Variants in TMEM39A observed in about 807,000 individuals in gnomAD.
TMEM39A encodes suppressor of SQST-1 aggregates in rpl-43 mutants.
Under a neutral mutation model 51.9 loss-of-function variants are expected in TMEM39A, and 19 were observed. The observed-to-expected ratio is 0.37, with a 90% CI of 0.26 to 0.54. TMEM39A has a LOEUF of 0.54. Ranked by LOEUF, TMEM39A falls within the 20% of genes least tolerant of loss-of-function variation. TMEM39A has a pLI of 0.88. For synonymous variants in TMEM39A, 197 were observed against 220.2 expected (o/e 0.89, Z 0.93); for missense variants, 433 against 590.5 (o/e 0.73, Z 2.76).
intron 3 of TMEM39A, among the ~76,000 whole-genome samples, chr3:119,456,754 A>C (rs575589084): frequency 1.3e-5 from 2 of 152,286 alleles, no homozygotes; most frequent in East Asian, 3.9e-4. Flanking sequence ...ACAAGTGTGC[A>C]CTACCATGCC....
rs2080996160 is a variant in TMEM39A at position 119,437,958 on chromosome 3, G to T, written c.721C>A (p.Leu241Ile). ...TTTAGCGACTCCAGCAACAAGGAGA[G>T]AAAGTCTTTGGATTTGGCCAAGCCT... ...VGGLAKSKDF[L>I]SLLLESLKEQ... Residue 241 changes from leucine (L) to isoleucine (I), a missense_variant, in exon 6 of 9, where the codon CTC (leucine) becomes ATC (isoleucine). Around this residue, in one of 3 missense-constraint regions of TMEM39A, gnomAD observed 223 missense variants for 328.1 expected, o/e 0.68. Transcript: ENST00000319172. 1 of 1,614,038 alleles carries T rather than the reference G, an allele frequency of 6.2e-7. No individual in the cohort carries two copies. The highest frequency in any genetic ancestry group is 8.5e-7 in the Non-Finnish European group (1 of 1,180,020).
At chr3:119,432,464 A>G (rs968146247) in intron 8 of TMEM39A, among the ~76,000 whole-genome samples, 1 of 152,148 alleles carries the variant, frequency 6.6e-6, no homozygotes, top group Non-Finnish European at 1.5e-5. Flanking sequence ...GATTATGCCC[A>G]AAAGAAAACT....
At chr3:119,455,864 T>C (rs542891710) in intron 3 of TMEM39A, among the ~76,000 whole-genome samples, 2 of 152,314 alleles carry the variant, frequency 1.3e-5, no homozygotes, top group Admixed American at 6.5e-5. Context: ...CAAGAAGCAC[T>C]TACAGAATAA....
At chr3:119,462,838 G>T (rs898134973) in intron 1 of TMEM39A, among the ~76,000 whole-genome samples, 2 of 147,346 alleles carry the variant, frequency 1.4e-5, no homozygotes, top group Non-Finnish European at 3.0e-5. Flanking sequence ...AAATCATACA[G>T]AAATTACTGA....
chr3:119,440,948 C>G (rs1425415271), intron 5 of TMEM39A, among the ~76,000 whole-genome samples: 1 of 152,110 alleles, frequency 6.6e-6, no homozygotes, highest in Non-Finnish European at 1.5e-5. Context: ...CCCAATATTT[C>G]AAACTTTTTC....
Position 119,438,084 on chromosome 3 carries a change from G to A in TMEM39A, c.595C>T (p.Leu199Phe). 6.3e-7 allele frequency: 1 copy of A among 1,589,538 alleles called. No individual in the cohort carries two copies. The highest frequency in any genetic ancestry group is 8.6e-7 in the Non-Finnish European group (1 of 1,159,898). The change falls in exon 6 of 9, where the codon CTT becomes TTT. Residue 199 changes from leucine (L) to phenylalanine (F), a missense_variant. Coordinates refer to ENST00000319172, the MANE Select transcript of TMEM39A (RefSeq NM_018266.3). The stretch of plus-strand genomic sequence containing the variant: ...CTACTATCTTGATGAAAACAGCAAA[G>A]AGGAACATAAACACCAAACCTGTAA... ...LGYPFGVYVP[L>F]CCFHQDSRAH...
Position 119,436,901 on chromosome 3 carries a change from G to A in TMEM39A, c.1002C>T (p.Thr334=), listed in dbSNP as rs2080976559. 1 of 1,613,926 alleles carries A rather than the reference G, an allele frequency of 6.2e-7. No homozygotes were observed. Among genetic ancestry groups the A allele is most frequent in the Non-Finnish European group, 8.5e-7 (1 of 1,179,914 alleles). ...AGTATTTGGATGGCAACAGTTGCGT[G>A]GTGAGCATGACAAAAGCATTGATCC... ...MVWINAFVML[T]TQLLPSKYCD... is the part of the protein sequence containing the mutation. The change falls in exon 7 of 9, where the codon ACC becomes ACT. Residue 334 remains threonine, a synonymous_variant. Transcript: ENST00000319172.
At chr3:119,457,927 A>T in intron 3 of TMEM39A, 91 bp downstream of exon 3, 1 of 973,416 alleles carries the variant, frequency 1.0e-6, no homozygotes, top group Non-Finnish European at 1.5e-6. Context: ...TAAAAGAAAA[A>T]TTATTAAGAA....
intron 3 of TMEM39A, among the ~76,000 whole-genome samples, chr3:119,452,892 G>A (rs2081218750): frequency 6.6e-6 from 1 of 152,166 alleles, no homozygotes; most frequent in Non-Finnish European, 1.5e-5. Flanking sequence ...CAAACTATCA[G>A]TTGGGATTCA....
At chr3:119,435,031 C>A in intron 7 of TMEM39A, 149 bp from the exon 8 acceptor site, 1 of 1,396,694 alleles carries the variant, frequency 7.2e-7, no homozygotes, top group Non-Finnish European at 9.4e-7. Flanking sequence ...CATGGTCAAA[C>A]TGGAGTAGTT....
intron 5 of TMEM39A, among the ~76,000 whole-genome samples, chr3:119,446,039 A>G (rs2081120391): frequency 6.6e-6 from 1 of 152,188 alleles, no homozygotes; most frequent in Non-Finnish European, 1.5e-5. Context: ...CTATATACAC[A>G]TACATACAAT....
chr3:119,445,820 C>T (rs899737414), intron 5 of TMEM39A, among the ~76,000 whole-genome samples: 2 of 152,134 alleles, frequency 1.3e-5, no homozygotes, highest in South Asian at 2.1e-4. Context: ...CTGGTGATAG[C>T]TGTAAAATTC....
chr3:119,453,878 A>T (rs772283544), intron 3 of TMEM39A, among the ~76,000 whole-genome samples: 17 of 152,394 alleles, frequency 1.1e-4, no homozygotes, highest in Non-Finnish European at 2.2e-4. Flanking sequence ...AGCATTTTAA[A>T]TAGTTAAAAC....
At chr3:119,458,988 G>A (rs1001712387) in intron 2 of TMEM39A, among the ~76,000 whole-genome samples, 24 of 152,332 alleles carry the variant, frequency 1.6e-4, no homozygotes, top group African/African-American at 4.8e-4. Context: ...GACAACACAT[G>A]TGAAGTGCTA....
intron 5 of TMEM39A, 95 bp from the exon 6 acceptor site, chr3:119,438,198 AT>A (rs2081001102): frequency 1.1e-6 from 1 of 938,078 alleles, no homozygotes; most frequent in Non-Finnish European, 1.5e-6. Flanking sequence ...GGTCAATAAA[AT>A]AGTCAGGACC....
rs539070684 is a variant in TMEM39A at position 119,430,881 on chromosome 3, T to A, written c.*1100A>T. ...ACAGAAAACATATGACAATATATTT[T>A]AGATTCTCTAAGACAAGGTCTCATA... On this transcript the variant is annotated 3_prime_UTR_variant, in exon 9 of 9. Transcript: ENST00000319172. 1.3e-3 allele frequency: 202 copies of A among 152,292 alleles called. 1 individual carries two copies. The highest frequency in any genetic ancestry group is 4.5e-3 in the African/African-American group (187 of 41,572). The allele number at this position is 152,292 out of a possible 1,614,324, so 9.4% of individuals were successfully genotyped here.
At chr3:119,457,011 C>G (rs977325941) in intron 3 of TMEM39A, among the ~76,000 whole-genome samples, 9 of 151,086 alleles carry the variant, frequency 6.0e-5, no homozygotes, top group Non-Finnish European at 1.3e-4. Flanking sequence ...CGCTCTGTCG[C>G]CCAGGCTGGA....
chr3:119,447,594 A>G (rs1219628927), intron 4 of TMEM39A, among the ~76,000 whole-genome samples: 2 of 151,950 alleles, frequency 1.3e-5, no homozygotes, highest in East Asian at 3.8e-4. Flanking sequence ...TAACAACTTA[A>G]CCAGTGTTTT....
intron 4 of TMEM39A, among the ~76,000 whole-genome samples, chr3:119,449,085 G>A (rs1202479695): frequency 6.6e-6 from 1 of 152,160 alleles, no homozygotes; most frequent in Non-Finnish European, 1.5e-5. Flanking sequence ...GCTTGTGTTA[G>A]TAAACGGTAT....
Sources: gnomAD v4.1 joint callset for allele counts (sites outside exome capture counted in the v4.1 genomes callset) on GRCh38, gnomAD v4.1.1 for gene constraint, gnomAD v4.1.1 regional missense constraint, MANE v1.5 for transcripts, NCBI Gene and HGNC (gene_info 2026-07-23, HGNC 2026-07-21) for gene names.